HIKESHI: variants seen among roughly 807,000 people sequenced by gnomAD.
HIKESHI encodes the protein heat shock protein nuclear import factor hikeshi.
HIKESHI carries 13 observed loss-of-function variants against 25.7 expected under a neutral mutation model. The ratio of observed to expected loss-of-function variants is 0.51; its 90% CI spans 0.33 to 0.80. HIKESHI has a LOEUF of 0.80. HIKESHI is among the 30% of genes least tolerant of loss of function. The probability of loss-of-function intolerance (pLI) is 0.02; values close to 1 mark genes in which losing one functional copy is unlikely to be tolerated. For missense variants in HIKESHI, 174 were observed against 229.5 expected, an observed-to-expected ratio of 0.76 and a Z score of 1.56; for synonymous variants, 76 against 78.7, an observed-to-expected ratio of 0.97 and a Z score of 0.18.
At chr11:86,343,132 T>C (rs907096380) in intron 3 of HIKESHI, among the ~76,000 whole-genome samples, 29 of 152,228 alleles carry the variant, frequency 1.9e-4, no homozygotes, top group African/African-American at 7.0e-4. Flanking sequence ...TCCTTTTGTT[T>C]TCTTTTCTGT....
intron 1 of HIKESHI, chr11:86,303,333 G>A (rs1475638096): frequency 5.0e-6 from 4 of 806,380 alleles, no homozygotes; most frequent in Non-Finnish European, 6.0e-6. Flanking sequence ...TTTTGATAAT[G>A]TATTGTATTC....
rs550782472 is a variant in HIKESHI, at chr11:86,328,581, T to C, written c.269-8798T>C. Among the ~76,000 whole-genome samples, 19 of 152,124 alleles carry C rather than the reference T, an allele frequency of 1.2e-4. No homozygotes were observed. In the South Asian group the frequency reaches 3.9e-3, roughly 32 times the overall value. On this transcript the variant is annotated intron_variant, in intron 2 of 4. Transcript: ENST00000278483. ...GCCTCAGCCTCCTGAGTAGCTGGGA[T>C]TACAGGTAACTGCCACCACGCCCGG...
chr11:86,334,028 G>A (rs114461792), intron 2 of HIKESHI, among the ~76,000 whole-genome samples: 25 of 152,286 alleles, frequency 1.6e-4, no homozygotes, highest in African/African-American at 5.8e-4. Flanking sequence ...TAAAATGGAT[G>A]TGTTCCATAA....
Position 86,332,984 on chromosome 11 carries a change from A to G in HIKESHI, c.269-4395A>G, listed in dbSNP as rs901370922. Among the ~76,000 whole-genome samples, 16 of 152,200 alleles carry G rather than the reference A, an allele frequency of 1.1e-4. No individual in the cohort carries two copies. In the East Asian group the frequency reaches 1.9e-3, roughly 18 times the overall value. ...TCTTTATGGTCTCTTTTTAGCTTTT[A>G]TTGAACAGAATGTAAATTCATACTT... On this transcript the variant is annotated intron_variant, in intron 2 of 4. Coordinates refer to ENST00000278483, the MANE Select transcript of HIKESHI (RefSeq NM_016401.4).
At position 86,302,470 on chromosome 11, in the gene HIKESHI, G is replaced by T; in HGVS notation, c.22G>T (p.Gly8Trp). Residue 8 changes from glycine (G) to tryptophan (W), a missense_variant, in exon 1 of 5, where the codon GGG (glycine) becomes TGG (tryptophan). By Grantham distance (184) the Gly-to-Trp change is radical. Coordinates refer to ENST00000278483, the MANE Select transcript of HIKESHI (RefSeq NM_016401.4). MFGCLVA[G>W]RLVQTAAQQV... is the part of the protein sequence containing the mutation. ...CGCCATGTTTGGCTGCTTGGTGGCG[G>T]GGAGGCTGGTGAGGATGGGACCGGG... 6.4e-7 allele frequency: 1 copy of T among 1,558,314 alleles called. No homozygotes were observed.
At chr11:86,321,277 G>C (rs980996363) in intron 2 of HIKESHI, among the ~76,000 whole-genome samples, 1 of 151,868 alleles carries the variant, frequency 6.6e-6, no homozygotes, top group African/African-American at 2.4e-5. Flanking sequence ...TTTATTGCTG[G>C]GTAGTATTCC....
intron 2 of HIKESHI, among the ~76,000 whole-genome samples, chr11:86,323,312 T>C (rs377561185): frequency 2.0e-5 from 3 of 152,174 alleles, no homozygotes; most frequent in Non-Finnish European, 4.4e-5. Context: ...ATAGATACTT[T>C]TATAGTTTTT....
At chr11:86,323,289 G>T (rs1236737074) in intron 2 of HIKESHI, among the ~76,000 whole-genome samples, 1 of 151,714 alleles carries the variant, frequency 6.6e-6, no homozygotes, top group Admixed American at 6.6e-5. Context: ...TAAAAGGAAA[G>T]AAATAAATGT....
At chr11:86,332,818 C>T (rs1207243428) in intron 2 of HIKESHI, among the ~76,000 whole-genome samples, 1 of 152,160 alleles carries the variant, frequency 6.6e-6, no homozygotes, top group Admixed American at 6.5e-5. Context: ...TCTTAGCTCC[C>T]ACGTCATACA....
At chr11:86,319,235 T>TAG (rs1947081644) in intron 2 of HIKESHI, among the ~76,000 whole-genome samples, 1 of 94,260 alleles carries the variant, frequency 1.1e-5, no homozygotes, top group Non-Finnish European at 1.9e-5. Context: ...TATATATATA[T>TAG]ATATATATTT....
At chr11:86,340,164 G>C (rs1438788262) in intron 3 of HIKESHI, among the ~76,000 whole-genome samples, 1 of 152,106 alleles carries the variant, frequency 6.6e-6, no homozygotes, top group African/African-American at 2.4e-5. Context: ...TGGACATTTG[G>C]GTTGGTTCCA....
At chr11:86,340,596 GTTGT>G (rs71274428) in intron 3 of HIKESHI, among the ~76,000 whole-genome samples, 1 of 151,508 alleles carries the variant, frequency 6.6e-6, no homozygotes, top group Non-Finnish European at 1.5e-5. Context: ...TTTTGATGGG[GTTGT>G]TTTTTTCTTG....
Position 86,345,566 on chromosome 11 carries a change from A to G in HIKESHI, c.540-18A>G. ...TTAATTTTCTTGTGAATGTAAATAT[A>G]TGTGTTTTCTTTTCTAGGTATGAAA... is the stretch of plus-strand genomic sequence containing the variant. On this transcript the variant is annotated intron_variant, in intron 4 of 4. Transcript: ENST00000278483. The G allele has an allele frequency of 3.5e-6, 5 of 1,444,248 alleles. No homozygotes were observed. The highest frequency in any genetic ancestry group is 4.8e-6 in the Non-Finnish European group (5 of 1,044,156). 89.5% of individuals were successfully genotyped at this position (1,444,248 alleles called of 1,614,324 possible).
intron 1 of HIKESHI, among the ~76,000 whole-genome samples, chr11:86,304,603 G>A (rs868269244): frequency 4.2e-5 from 6 of 142,268 alleles, no homozygotes; most frequent in African/African-American, 7.9e-5. Flanking sequence ...CGCAACCTCC[G>A]CCTCCAGGTT....
At chr11:86,332,817 C>T (rs1265590013) in intron 2 of HIKESHI, among the ~76,000 whole-genome samples, 2 of 152,136 alleles carry the variant, frequency 1.3e-5, no homozygotes, top group African/African-American at 4.8e-5. Context: ...TTCTTAGCTC[C>T]CACGTCATAC....
intron 3 of HIKESHI, among the ~76,000 whole-genome samples, chr11:86,343,214 G>A (rs1469900802): frequency 2.0e-5 from 3 of 151,934 alleles, no homozygotes; most frequent in African/African-American, 7.3e-5. Context: ...CTAGGTATTG[G>A]AGAAAATGCT....
chr11:86,319,242 A>ATATTTTTTTTT (rs1383589741), intron 2 of HIKESHI, among the ~76,000 whole-genome samples: 8 of 94,940 alleles, frequency 8.4e-5, no homozygotes, highest in East Asian at 3.6e-4. Flanking sequence ...ATATATATAT[A>ATATTTTTTTTT]TTTTTTTTTT....
chr11:86,330,408 AT>A (rs1304794379), intron 2 of HIKESHI, among the ~76,000 whole-genome samples: 2 of 152,252 alleles, frequency 1.3e-5, no homozygotes, highest in Non-Finnish European at 2.9e-5. Context: ...TTGTACCAAA[AT>A]TCAACATTGC....
intron 2 of HIKESHI, among the ~76,000 whole-genome samples, chr11:86,325,533 CT>C (rs367833647): frequency 2.5e-4 from 37 of 146,564 alleles, no homozygotes; most frequent in East Asian, 5.9e-4. Context: ...CAAGAAGAAA[CT>C]TTTTTTTTTT....
Sources: gnomAD v4.1 joint callset for allele counts (sites outside exome capture counted in the v4.1 genomes callset) on GRCh38, gnomAD v4.1.1 for gene constraint, MANE v1.5 for transcripts, NCBI Gene and HGNC (gene_info 2026-07-23, HGNC 2026-07-21) for gene names.